The following RAD51B variants were observed in gnomAD, a reference collection of about 807,000 sequenced individuals.
RAD51B encodes RAD51 paralog B, also known as DNA repair protein RAD51 homolog 2.
RAD51B carries 38 observed loss-of-function variants against 42.2 expected under a neutral mutation model. That is an observed-to-expected ratio of 0.90 (90% CI 0.70 to 1.18). The LOEUF is 1.18. Among genes scored for constraint, RAD51B ranks in the 50% most tolerant of loss-of-function variants. The pLI is 0.00. For missense variants in RAD51B, 373 were observed against 400.7 expected (o/e 0.93, Z 0.59); for synonymous variants, 154 against 145.2 (o/e 1.06, Z -0.43).
At chr14:68,114,953 TA>T (rs1288409881) in intron 7 of RAD51B, among the ~76,000 whole-genome samples, 2 of 151,496 alleles carry the variant, frequency 1.3e-5, no homozygotes, top group East Asian at 3.9e-4. Context: ...GGTGGGACTG[TA>T]AACTAGTTCA....
At chr14:68,407,621 AAATAATATACCACAGGTAG>A (rs761263908) in intron 8 of RAD51B, among the ~76,000 whole-genome samples, 2 of 152,254 alleles carry the variant, frequency 1.3e-5, no homozygotes, top group Non-Finnish European at 2.9e-5. Context: ...AAAAGCACAC[AAATAATATACCACAGGTAG>A]AAAATGATTG....
At chr14:68,543,419 T>C (rs915840592) in intron 10 of RAD51B, among the ~76,000 whole-genome samples, 1 of 152,246 alleles carries the variant, frequency 6.6e-6, no homozygotes, top group South Asian at 2.1e-4. Context: ...ATAGAAATGA[T>C]TCAATAAAGA....
chr14:68,415,434 C>CTAG, intron 9 of RAD51B, among the ~76,000 whole-genome samples: 1 of 152,322 alleles, frequency 6.6e-6, no homozygotes, highest in South Asian at 2.1e-4. Flanking sequence ...CTCTTCTCTG[C>CTAG]TAGTCACTGT....
At chr14:68,072,472 C>T (rs1296931402) in intron 7 of RAD51B, among the ~76,000 whole-genome samples, 3 of 151,992 alleles carry the variant, frequency 2.0e-5, no homozygotes, top group Admixed American at 2.0e-4. Flanking sequence ...CTAGGCTCAT[C>T]TCGTCACTTC....
intron 8 of RAD51B, among the ~76,000 whole-genome samples, chr14:68,392,417 C>A (rs2083784666): frequency 6.6e-6 from 1 of 152,168 alleles, no homozygotes; most frequent in African/African-American, 2.4e-5. Flanking sequence ...TATGACCCTT[C>A]TAGTCTTCTG....
intron 10 of RAD51B, among the ~76,000 whole-genome samples, chr14:68,510,199 G>A (rs1361383139): frequency 6.6e-6 from 1 of 152,102 alleles, no homozygotes; most frequent in Non-Finnish European, 1.5e-5. Context: ...TGAGTTTGTG[G>A]GACACACAAT....
In RAD51B at chr14:68,522,495, G is replaced by A. The variant is rs543487503; in HGVS notation, c.1036+54245G>A. Among the ~76,000 whole-genome samples the A allele has an allele frequency of 7.9e-5, 12 of 152,222 alleles. No homozygotes were observed. In the South Asian group the frequency reaches 2.1e-3, roughly 26 times the overall value. On this transcript the variant is annotated intron_variant, in intron 10 of 10. Transcript: ENST00000487270. The stretch of plus-strand genomic sequence containing the variant: ...ATTCCTCCCTCTCTGGAATGGAGCC[G>A]CTGGAAGGCTCCATAATCCTCCCTC...
intron 7 of RAD51B, among the ~76,000 whole-genome samples, chr14:68,286,953 T>G (rs1357149828): frequency 6.6e-6 from 1 of 152,230 alleles, no homozygotes; most frequent in Non-Finnish European, 1.5e-5. Flanking sequence ...AGCTACTTTT[T>G]AAATACTTAG....
chr14:68,282,307 T>C (rs2081334850), intron 7 of RAD51B, among the ~76,000 whole-genome samples: 2 of 152,142 alleles, frequency 1.3e-5, no homozygotes, highest in Non-Finnish European at 2.9e-5. Context: ...TTAACGGGCT[T>C]GTACCACATG....
intron 8 of RAD51B, among the ~76,000 whole-genome samples, chr14:68,349,462 G>A (rs572670788): frequency 1.3e-5 from 2 of 152,186 alleles, no homozygotes; most frequent in East Asian, 3.9e-4. Flanking sequence ...CGCCTCCCAG[G>A]TTCAAGCAAT....
At chr14:68,424,015 T>C (rs925113990) in intron 9 of RAD51B, among the ~76,000 whole-genome samples, 1 of 152,212 alleles carries the variant, frequency 6.6e-6, no homozygotes, top group Non-Finnish European at 1.5e-5. Flanking sequence ...GCTTCAGTGT[T>C]CTGTCATTTA....
intron 8 of RAD51B, among the ~76,000 whole-genome samples, chr14:68,392,445 TG>T (rs942392045): frequency 1.3e-5 from 2 of 152,206 alleles, no homozygotes; most frequent in African/African-American, 4.8e-5. Context: ...GCTCCCTGCC[TG>T]TCTCCATATC....
rs1447535749 is a variant in RAD51B, at chr14:67,832,068, G to A, written c.199-3012G>A. ...AAAAAATTGGAAACAATAATAATAG[G>A]AAGGAGATAAATTATATTACATTTA... On this transcript the variant is annotated intron_variant, in intron 3 of 10. Transcript: ENST00000471583. 2.6e-5 allele frequency among the ~76,000 whole-genome samples: 4 copies of A among 152,184 alleles called. No homozygotes were observed. The East Asian group carries it at 7.7e-4, about 29-fold the overall frequency.
intron 10 of RAD51B, among the ~76,000 whole-genome samples, chr14:68,520,663 G>A (rs377532721): frequency 4.6e-5 from 7 of 152,212 alleles, no homozygotes; most frequent in African/African-American, 1.4e-4. Flanking sequence ...CCTCACCCTA[G>A]GACCCATCTT....
intron 7 of RAD51B, among the ~76,000 whole-genome samples, chr14:68,181,656 A>AT (rs2079062926): frequency 6.6e-6 from 1 of 152,212 alleles, no homozygotes; most frequent in Non-Finnish European, 1.5e-5. Flanking sequence ...TAAAAGGAGA[A>AT]TGACTGAAAT....
At chr14:67,824,148 AC>A (rs1213929224) in intron 2 of RAD51B, among the ~76,000 whole-genome samples, 1 of 151,362 alleles carries the variant, frequency 6.6e-6, no homozygotes, top group Non-Finnish European at 1.5e-5. Context: ...CTGATCTTGA[AC>A]TCCTGGCCTT....
intron 8 of RAD51B, among the ~76,000 whole-genome samples, chr14:68,355,660 T>C (rs2082884468): frequency 6.6e-6 from 1 of 152,242 alleles, no homozygotes; most frequent in Non-Finnish European, 1.5e-5. Flanking sequence ...TATTGTTTTC[T>C]AGTTTTAAAA....
At chr14:68,516,656 G>T (rs1478595157) in intron 10 of RAD51B, among the ~76,000 whole-genome samples, 1 of 152,174 alleles carries the variant, frequency 6.6e-6, no homozygotes, top group East Asian at 1.9e-4. Context: ...CTATATCAAT[G>T]AACTTTTTGT....
intron 7 of RAD51B, among the ~76,000 whole-genome samples, chr14:67,962,161 C>T (rs1459437633): frequency 1.3e-5 from 2 of 152,266 alleles, no homozygotes; most frequent in Non-Finnish European, 2.9e-5. Flanking sequence ...GTGGAATAAT[C>T]ACGGTAAACA....
Sources: gnomAD v4.1 joint callset for allele counts (sites outside exome capture counted in the v4.1 genomes callset) on GRCh38, gnomAD v4.1.1 for gene constraint, MANE v1.5 for transcripts, NCBI Gene and HGNC (gene_info 2026-07-23, HGNC 2026-07-21) for gene names.